LMNB2: variants seen among roughly 807,000 people sequenced by gnomAD.
The protein encoded by LMNB2 is lamin B2, also known as lamin-B2.
LMNB2 carries 17 observed loss-of-function variants against 69.3 expected under a neutral mutation model. The observed-to-expected ratio is 0.25, with a 90% CI of 0.17 to 0.37. The LOEUF (loss-of-function observed/expected upper bound fraction) is 0.37. Among genes scored for constraint, LMNB2 ranks in the 10% least tolerant of loss-of-function variants. The pLI is 1.00. For synonymous variants in LMNB2, 397 were observed against 389.3 expected (o/e 1.02, Z -0.23); for missense variants, 789 against 883.6 (o/e 0.89, Z 1.36).
At chr19:2,450,109 T>C (rs984582712) in intron 1 of LMNB2, among the ~76,000 whole-genome samples, 1 of 143,164 alleles carries the variant, frequency 7.0e-6, no homozygotes, top group Non-Finnish European at 1.5e-5. Flanking sequence ...TACATATACA[T>C]ATATATATAC....
Position 2,441,669 on chromosome 19 carries a change from C to T in LMNB2, c.401+2735G>A, listed in dbSNP as rs556341308. Among the ~76,000 whole-genome samples the T allele has an allele frequency of 9.8e-5, 15 of 152,332 alleles. No homozygotes were observed. The East Asian group carries it at 1.5e-3, about 16-fold the overall frequency. On this transcript the variant is annotated intron_variant, in intron 2 of 11. Coordinates refer to ENST00000325327, the MANE Select transcript of LMNB2 (RefSeq NM_032737.4). ...CATCTAGAACCCTTGCCTTACACTGCGGGACGTCCTTGCGGAGGGAGGCAT... is the reference window on the plus strand; with the variant it reads ...CATCTAGAACCCTTGCCTTACACTGTGGGACGTCCTTGCGGAGGGAGGCAT...
rs527931084 is a variant in LMNB2 at position 2,447,860 on chromosome 19, G to A, written c.265-3320C>T. On this transcript the variant is annotated intron_variant, in intron 1 of 11. Coordinates refer to ENST00000325327, the MANE Select transcript of LMNB2 (RefSeq NM_032737.4). This position sits in a 1 kb window ranked among gnomAD's most constrained non-coding sequence, Gnocchi z 4.4. Reference sequence around the variant, plus strand: ...AAACCAACGCATGCTGGGCCATCTGGACAAGTCAGAGTCTCAGGCTGCCCC... The same window carrying A: ...AAACCAACGCATGCTGGGCCATCTGAACAAGTCAGAGTCTCAGGCTGCCCC... 4.6e-5 allele frequency among the ~76,000 whole-genome samples: 7 copies of A among 152,318 alleles called. No individual in the cohort carries two copies. The South Asian group carries it at 1.4e-3, about 32-fold the overall frequency.
At position 2,434,087 on chromosome 19, in the gene LMNB2, G is replaced by A. The variant is rs766553520; in HGVS notation, c.1221C>T (p.Ser407=). 6.3e-7 allele frequency: 1 copy of A among 1,590,954 alleles called. No individual in the cohort carries two copies. Among genetic ancestry groups the A allele is most frequent in the Non-Finnish European group, 8.5e-7 (1 of 1,170,738 alleles). The stretch of plus-strand genomic sequence containing the variant: ...GTGAGACGGTGACGCGCGAGGATGG[G>A]CTGGGGGACAGCTTCAGCCTGTGGG... The part of the protein sequence containing the change: ...GEEERLKLSP[S]PSSRVTVSRA... The change falls in exon 8 of 12, where the codon AGC becomes AGT. Residue 407 remains serine (S), a synonymous_variant. Transcript: ENST00000325327.
intron 1 of LMNB2, among the ~76,000 whole-genome samples, chr19:2,455,547 C>A (rs1214482237): frequency 6.6e-6 from 1 of 152,100 alleles, no homozygotes; most frequent in Non-Finnish European, 1.5e-5. Context: ...CCCCCATGGC[C>A]CCAAAATGCA....
Position 2,444,492 on chromosome 19 carries a change from T to G in LMNB2, c.313A>C (p.Arg105=). 5.6e-6 allele frequency: 9 copies of G among 1,613,234 alleles called. No homozygotes were observed. Among genetic ancestry groups the G allele is most frequent in the Non-Finnish European group, 7.6e-6 (9 of 1,180,032 alleles). ...LYESELADAR[R]VLDETARERA... is the part of the protein sequence containing the mutation. The stretch of plus-strand genomic sequence containing the variant: ...TCTCGAGCCGTCTCATCCAGGACTC[T>G]CCGGGCATCGGCCAGCTCCGACTCG... Residue 105 remains arginine (R), a synonymous_variant, in exon 2 of 12, where the codon AGA becomes CGA. Coordinates refer to ENST00000325327, the MANE Select transcript of LMNB2 (RefSeq NM_032737.4).
intron 1 of LMNB2, among the ~76,000 whole-genome samples, chr19:2,455,867 G>A (rs562622101): frequency 5.3e-5 from 8 of 150,688 alleles, no homozygotes; most frequent in Non-Finnish European, 7.4e-5. Flanking sequence ...AGGGTCCCCC[G>A]TGATCGCGTA....
intron 4 of LMNB2, 100 bp downstream of exon 4, chr19:2,438,063 C>T: frequency 1.3e-6 from 2 of 1,573,032 alleles, no homozygotes; most frequent in Admixed American, 1.7e-5. Context: ...GTGGGAGGGA[C>T]CCCGGCCACA....
At chr19:2,445,325 C>A (rs1971943402) in intron 1 of LMNB2, among the ~76,000 whole-genome samples, 1 of 152,100 alleles carries the variant, frequency 6.6e-6, no homozygotes, top group South Asian at 2.1e-4. Context: ...CCGTGCCCCT[C>A]TGTGCCCCTA....
At chr19:2,450,859 T>C (rs1010171607) in intron 1 of LMNB2, among the ~76,000 whole-genome samples, 1 of 150,912 alleles carries the variant, frequency 6.6e-6, no homozygotes, top group Non-Finnish European at 1.5e-5. Flanking sequence ...TTCAATCTCC[T>C]GACCTCGTGA....
chr19:2,434,217 C>T (rs112427985), intron 7 of LMNB2, 78 bp downstream of exon 7: 5 of 1,555,662 alleles, frequency 3.2e-6, no homozygotes, highest in Admixed American at 3.8e-5. Flanking sequence ...CAGCACTCCC[C>T]GCAGCCCCGT....
chr19:2,453,782 C>T lies in LMNB2; in HGVS notation c.264+2888G>A, dbSNP rs1261265941. 2.0e-5 allele frequency among the ~76,000 whole-genome samples: 3 copies of T among 152,146 alleles called. No homozygotes were observed. The East Asian group carries it at 5.8e-4, about 29-fold the overall frequency. ...AGTGGGGCTGGGGCTGGTACCTCCCCAGCACTCACCAGGCCCTGCACCCTC... is the reference window on the plus strand; with the variant it reads ...AGTGGGGCTGGGGCTGGTACCTCCCTAGCACTCACCAGGCCCTGCACCCTC... On this transcript the variant is annotated intron_variant, in intron 1 of 11. Transcript: ENST00000325327. The surrounding 1 kb of genome is among the most constrained non-coding windows in gnomAD (Gnocchi z 4.4).
chr19:2,445,632 G>A (rs1467599611), intron 1 of LMNB2, among the ~76,000 whole-genome samples: 1 of 84,394 alleles, frequency 1.2e-5, no homozygotes, highest in African/African-American at 5.1e-5. Context: ...TCGATCACAG[G>A]GATCTGCAGT....
chr19:2,449,648 G>T (rs1312489345), intron 1 of LMNB2, among the ~76,000 whole-genome samples: 2 of 151,654 alleles, frequency 1.3e-5, no homozygotes, highest in African/African-American at 4.8e-5. Context: ...GTGGTGGTAG[G>T]CGCCTGTAAT....
chr19:2,437,741 A>G (rs1392114981), intron 4 of LMNB2, among the ~76,000 whole-genome samples: 2 of 149,510 alleles, frequency 1.3e-5, no homozygotes, highest in East Asian at 4.0e-4. Flanking sequence ...CGGAGGTTGC[A>G]GTGAGCCAAG....
chr19:2,452,745 C>T lies in LMNB2; in HGVS notation c.264+3925G>A, dbSNP rs553823607. ...TATCTCAAAAAAGAAGTGAGAAAGG[C>T]GTGTGTGAGGACCTCGGGGGCCGCC... On this transcript the variant is annotated intron_variant, in intron 1 of 11. Coordinates refer to ENST00000325327, the MANE Select transcript of LMNB2 (RefSeq NM_032737.4). Among the ~76,000 whole-genome samples, 15 of 152,158 alleles carry T rather than the reference C, an allele frequency of 9.9e-5. No individual in the cohort carries two copies. In the East Asian group the frequency reaches 1.7e-3, roughly 18 times the overall value.
chr19:2,448,818 AGC>A (rs1568208148), intron 1 of LMNB2, among the ~76,000 whole-genome samples: 1 of 152,234 alleles, frequency 6.6e-6, no homozygotes, highest in Non-Finnish European at 1.5e-5. Flanking sequence ...ATTGCACTCC[AGC>A]CTGGCGACAG....
rs1244503545 is a variant in LMNB2 at position 2,443,678 on chromosome 19, G to T, written c.401+726C>A. The stretch of plus-strand genomic sequence containing the variant: ...CAGTGTCCACACGCAGGGCACCAGA[G>T]ACCTCGCTCTAGCTGGAGCCTCACA... On this transcript the variant is annotated intron_variant, in intron 2 of 11. Transcript: ENST00000325327. The surrounding 1 kb of genome is among the most constrained non-coding windows in gnomAD (Gnocchi z 6.2). 1.3e-5 allele frequency among the ~76,000 whole-genome samples: 2 copies of T among 152,188 alleles called. No homozygotes were observed. Among genetic ancestry groups the T allele is most frequent in the Non-Finnish European group, 2.9e-5 (2 of 68,018 alleles).
At chr19:2,456,509 G>A (rs1378601912) in intron 1 of LMNB2, among the ~76,000 whole-genome samples, 161 bp downstream of exon 1, 1 of 149,986 alleles carries the variant, frequency 6.7e-6, no homozygotes, top group African/African-American at 2.5e-5. Flanking sequence ...TGGCCGAGCT[G>A]CACCCCTCAC....
rs1189560359 is a variant in LMNB2 at position 2,441,609 on chromosome 19, G to A, written c.401+2795C>T. Among the ~76,000 whole-genome samples, 10 of 152,342 alleles carry A rather than the reference G, an allele frequency of 6.6e-5. 2 individuals carry two copies. Among genetic ancestry groups the A allele is most frequent in the Admixed American group, 5.9e-4 (9 of 15,302 alleles). ...TCTGTTGGGCAAATCCCGAGTGCCC[G>A]CTGTGTGGAAGGCACCGCTCTCACA... On this transcript the variant is annotated intron_variant, in intron 2 of 11. Coordinates refer to ENST00000325327, the MANE Select transcript of LMNB2 (RefSeq NM_032737.4).
Sources: allele counts gnomAD v4.1 joint callset (sites outside exome capture counted in the v4.1 genomes callset), GRCh38; gene constraint gnomAD v4.1.1; non-coding constraint Gnocchi (gnomAD v3.1); transcripts MANE v1.5; gene names NCBI Gene and HGNC (gene_info 2026-07-23, HGNC 2026-07-21).